The following SYNE1 variants were observed in gnomAD, a reference collection of about 807,000 sequenced individuals.
SYNE1 encodes the protein nesprin-1.
A neutral mutation model predicts 1,111.0 loss-of-function variants in SYNE1; 616 were observed. The ratio of observed to expected loss-of-function variants is 0.55; its 90% CI spans 0.52 to 0.59. The LOEUF is 0.59. SYNE1 is among the 20% of genes least tolerant of loss of function. The pLI is 0.00. For missense variants in SYNE1, 10,006 were observed against 10,417.0 expected (o/e 0.96, Z 1.72); for synonymous variants, 3,855 against 3,825.8 (o/e 1.01, Z -0.28).
In SYNE1 at chr6:152,239,561, C is replaced by A; in HGVS notation, c.20039G>T (p.Arg6680Met). The A allele has an allele frequency of 3.1e-6, 5 of 1,614,190 alleles. No individual in the cohort carries two copies. The highest frequency in any genetic ancestry group is 1.6e-4 in the Middle Eastern group (1 of 6,062). Residue 6680 changes from arginine to methionine, a missense_variant, in exon 108 of 146, where the codon AGG (arginine) becomes ATG (methionine). Arg to Met is a moderately conservative substitution (Grantham distance 91). Transcript: ENST00000367255. Reference protein sequence around the residue: ...ASAVLKRAHKRGVELEYILET... With the variant: ...ASAVLKRAHKMGVELEYILET... ...TAGAATGTACTCCAGCTCCACACCC[C>A]TCTTGTGAGCCCGTTTCAGTACAGC... is the stretch of plus-strand genomic sequence containing the variant.
intron 59 of SYNE1, 46 bp from the exon 60 acceptor site, chr6:152,369,660 G>C: frequency 2.5e-6 from 4 of 1,608,712 alleles, no homozygotes; most frequent in Non-Finnish European, 3.4e-6. Flanking sequence ...TATTTTAATA[G>C]CAAGTCCAAG....
chr6:152,577,204 G>T (rs902666167), intron 3 of SYNE1, among the ~76,000 whole-genome samples: 8 of 152,164 alleles, frequency 5.3e-5, no homozygotes, highest in Non-Finnish European at 8.8e-5. Context: ...GGGCTTTAAA[G>T]AAGTCACATT....
chr6:152,570,960 G>A (rs1299288982), intron 3 of SYNE1, among the ~76,000 whole-genome samples: 1 of 152,162 alleles, frequency 6.6e-6, no homozygotes, highest in African/African-American at 2.4e-5. Context: ...GTCTCAGAAA[G>A]GGATGCACAA....
At chr6:152,336,713 A>C in intron 76 of SYNE1, 128 bp downstream of exon 76, 2 of 1,264,012 alleles carry the variant, frequency 1.6e-6, no homozygotes, top group Non-Finnish European at 2.3e-6. Context: ...CCTCTGCCTT[A>C]AAGAGTTGTA....
At chr6:152,180,371 A>G in intron 128 of SYNE1, 77 bp from the exon 129 acceptor site, 1 of 1,368,404 alleles carries the variant, frequency 7.3e-7, no homozygotes. Flanking sequence ...ATAGCAAATA[A>G]ACTAGGACTA....
intron 50 of SYNE1, among the ~76,000 whole-genome samples, chr6:152,396,064 CAT>C (rs2097726695): frequency 6.6e-6 from 1 of 152,268 alleles, no homozygotes; most frequent in South Asian, 2.1e-4. Context: ...ATTACATTCT[CAT>C]GTCAATGTGC....
intron 22 of SYNE1, chr6:152,456,814 A>G (rs1475615104): frequency 2.4e-6 from 1 of 411,092 alleles, no homozygotes; most frequent in Non-Finnish European, 4.9e-6. Flanking sequence ...TGCGTTAGAA[A>G]AATACTTCAA....
At chr6:152,134,986 C>A in intron 142 of SYNE1, 118 bp downstream of exon 142, 1 of 1,411,230 alleles carries the variant, frequency 7.1e-7, no homozygotes, top group Non-Finnish European at 9.9e-7. Context: ...AAAGTAGAGA[C>A]TATAATGCAA....
chr6:152,251,042 C>A (rs1445122341), intron 104 of SYNE1, among the ~76,000 whole-genome samples: 1 of 152,158 alleles, frequency 6.6e-6, no homozygotes, highest in East Asian at 1.9e-4. Flanking sequence ...CTCAGCCTCC[C>A]AGGTTGAAGC....
At position 152,377,348 on chromosome 6, in the gene SYNE1, G is replaced by A. The variant is rs184698803; in HGVS notation, c.9010-436C>T. ...TTAAGGGCCGGGTGTGGTGGCTCAC[G>A]CCTGTAATTCCAGCACTTTGGGAGG... On this transcript the variant is annotated intron_variant, in intron 56 of 145. Coordinates refer to ENST00000367255, the MANE Select transcript of SYNE1 (RefSeq NM_182961.4). 1.2e-4 allele frequency among the ~76,000 whole-genome samples: 18 copies of A among 151,730 alleles called. 1 individual carries two copies. The East Asian group carries it at 3.1e-3, about 26-fold the overall frequency.
intron 3 of SYNE1, among the ~76,000 whole-genome samples, chr6:152,609,544 C>T (rs2099625427): frequency 6.6e-6 from 1 of 152,190 alleles, no homozygotes; most frequent in South Asian, 2.1e-4. Flanking sequence ...GTGGGCAGGG[C>T]ATAGCTGAAT....
At chr6:152,558,026 TA>T (rs920150604) in intron 3 of SYNE1, among the ~76,000 whole-genome samples, 123 of 152,158 alleles carry the variant, frequency 8.1e-4, no homozygotes, top group Middle Eastern at 6.8e-3. Context: ...GTACACAATA[TA>T]AAAAGATGTA....
At chr6:152,415,316 ACT>A (rs1001584088) in intron 41 of SYNE1, among the ~76,000 whole-genome samples, 11 of 151,966 alleles carry the variant, frequency 7.2e-5, no homozygotes, top group African/African-American at 2.7e-4. Context: ...ACTTAAACCC[ACT>A]CCTCTGCCTC....
intron 24 of SYNE1, 147 bp from the exon 25 acceptor site, chr6:152,453,867 G>A (rs2098672537): frequency 2.3e-6 from 2 of 882,196 alleles, no homozygotes; most frequent in East Asian, 2.4e-5. Flanking sequence ...GTTTTTTAAG[G>A]ATGAACTATG....
intron 116 of SYNE1, among the ~76,000 whole-genome samples, chr6:152,225,201 G>C (rs553421457): frequency 1.3e-5 from 2 of 151,612 alleles, no homozygotes; most frequent in East Asian, 3.9e-4. Context: ...ATTTCAATTT[G>C]AATACAGGTA....
chr6:152,565,462 G>A (rs1366744488), intron 3 of SYNE1, among the ~76,000 whole-genome samples: 1 of 152,038 alleles, frequency 6.6e-6, no homozygotes, highest in East Asian at 1.9e-4. Flanking sequence ...ATACTCTTTG[G>A]CATTTACTGG....
chr6:152,505,158 C>T, intron 9 of SYNE1, 43 bp downstream of exon 9: 1 of 1,604,924 alleles, frequency 6.2e-7, no homozygotes, highest in Non-Finnish European at 8.5e-7. Flanking sequence ...CATAAAAACC[C>T]TCCGTGTTAA....
At chr6:152,549,801 A>T (rs1336211975) in intron 3 of SYNE1, among the ~76,000 whole-genome samples, 1 of 152,136 alleles carries the variant, frequency 6.6e-6, no homozygotes, top group East Asian at 1.9e-4. Flanking sequence ...AAAGACTTAC[A>T]TTGCTCTTAA....
At position 152,367,342 on chromosome 6, in the gene SYNE1, T is replaced by C; in HGVS notation, c.9848A>G (p.Asn3283Ser). 6.2e-7 allele frequency: 1 copy of C among 1,614,184 alleles called. No individual in the cohort carries two copies. The part of the protein sequence containing the change: ...SRLDRIVAEH[N>S]QFSLGIKELQ... The stretch of plus-strand genomic sequence containing the variant: ...TTCTTTAATCCCAAGAGAGAACTGA[T>C]TGTGTTCTGCAACGATTCTATCCAG... Residue 3283 changes from asparagine (N) to serine (S), a missense_variant, in exon 62 of 146, where the codon AAT (asparagine) becomes AGT (serine). Coordinates refer to ENST00000367255, the MANE Select transcript of SYNE1 (RefSeq NM_182961.4).
Sources: allele counts gnomAD v4.1 joint callset (sites outside exome capture counted in the v4.1 genomes callset), GRCh38; gene constraint gnomAD v4.1.1; transcripts MANE v1.5; gene names NCBI Gene and HGNC (gene_info 2026-07-23, HGNC 2026-07-21).